The following PARP14 variants were observed in gnomAD, a reference collection of about 807,000 sequenced individuals.
PARP14 encodes poly(ADP-ribose) polymerase family member 14, also known as protein mono-ADP-ribosyltransferase PARP14.
A neutral mutation model predicts 154.2 loss-of-function variants in PARP14; 59 were observed. The ratio of observed to expected loss-of-function variants is 0.38; its 90% CI spans 0.31 to 0.48. The LOEUF is 0.48. PARP14 is among the 20% of genes least tolerant of loss of function. The pLI is 0.98. For missense variants in PARP14, 1,734 were observed against 2,131.6 expected, an observed-to-expected ratio of 0.81 and a Z score of 3.67; for synonymous variants, 720 against 780.5, an observed-to-expected ratio of 0.92 and a Z score of 1.29.
chr3:122,704,435 T>A (rs1271739297), intron 7 of PARP14, 92 bp from the exon 8 acceptor site: 1 of 735,046 alleles, frequency 1.4e-6, no homozygotes, highest in Non-Finnish European at 2.3e-6. Flanking sequence ...AAAAGGAGTA[T>A]TCAAGTTCAC....
At chr3:122,693,935 T>C (rs1025509997) in intron 4 of PARP14, among the ~76,000 whole-genome samples, 3 of 152,228 alleles carry the variant, frequency 2.0e-5, no homozygotes, top group African/African-American at 4.8e-5. Context: ...GGAGCTATTC[T>C]TATTTCAAAT....
chr3:122,685,353 A>T (rs375473812), intron 2 of PARP14, 35 bp downstream of exon 2: 376 of 1,593,730 alleles, frequency 2.4e-4, no homozygotes, highest in Non-Finnish European at 3.2e-4. Context: ...AAAGGGATTT[A>T]GGTCTCCCAA....
At chr3:122,686,801 T>C (rs897342844) in intron 2 of PARP14, 55 of 351,092 alleles carry the variant, frequency 1.6e-4, no homozygotes, top group Non-Finnish European at 2.3e-4. Flanking sequence ...AATTATGAGC[T>C]AAGATGTTTC....
In PARP14 at chr3:122,701,373, C is replaced by A; in HGVS notation, c.2819C>A (p.Ala940Asp). 1 of 1,614,010 alleles carries A rather than the reference C, an allele frequency of 6.2e-7. No individual in the cohort carries two copies. The highest frequency in any genetic ancestry group is 8.5e-7 in the Non-Finnish European group (1 of 1,179,874). ...CGATGCGTGGAGACCATTGTTTCTG[C>A]CATCAAGGAAAACTTCCAATTCAAG... is the stretch of plus-strand genomic sequence containing the variant. ...LGRCVETIVS[A>D]IKENFQFKKD... Residue 940 changes from alanine (A) to aspartate (D), a missense_variant, in exon 6 of 17, where the codon GCC becomes GAC. Ala to Asp is a moderately radical substitution (Grantham distance 126, BLOSUM62 -2). Transcript: ENST00000474629. The surrounding 1 kb of genome is among the most constrained non-coding windows in gnomAD (Gnocchi z 4.0).
intron 9 of PARP14, among the ~76,000 whole-genome samples, chr3:122,710,131 C>T (rs1466052215): frequency 6.6e-6 from 1 of 151,930 alleles, no homozygotes; most frequent in African/African-American, 2.4e-5. Flanking sequence ...GAATTCTTTG[C>T]CTAAGTCAAT....
Position 122,727,976 on chromosome 3 carries a change from C to A in PARP14, c.5106C>A (p.Ala1702=). ...VNRNGFNRSY[A]GKNAVAYGKG... ...GAAATGGCTTTAACCGCAGCTATGC[C>A]GGAAAGAATGGTAAGGAAGCGAGTA... is the stretch of plus-strand genomic sequence containing the variant. Residue 1702 remains alanine (A), a synonymous_variant, in exon 16 of 17, where the codon GCC becomes GCA. Transcript: ENST00000474629. 1.2e-6 allele frequency: 2 copies of A among 1,608,920 alleles called. No homozygotes were observed. Among genetic ancestry groups the A allele is most frequent in the Non-Finnish European group, 1.7e-6 (2 of 1,177,922 alleles).
intron 11 of PARP14, 36 bp downstream of exon 11, chr3:122,713,970 A>G (rs1932923551): frequency 6.9e-7 from 1 of 1,452,316 alleles, no homozygotes. Flanking sequence ...CTAAGTTGTA[A>G]TTGTATGGGA....
In PARP14 at chr3:122,714,324, A is replaced by G. The variant is rs1932930461; in HGVS notation, c.3895A>G (p.Ile1299Val). 7 of 1,598,338 alleles carry G rather than the reference A, an allele frequency of 4.4e-6. No individual in the cohort carries two copies. The highest frequency in any genetic ancestry group is 6.0e-6 in the Non-Finnish European group (7 of 1,175,264). The change falls in exon 12 of 17, where the codon ATT (isoleucine) becomes GTT (valine). Residue 1299 changes from isoleucine (I) to valine (V), a missense_variant. Ile to Val is a conservative substitution (Grantham distance 29). Transcript: ENST00000474629. ...TGGATTTTTGAGGTGCAAGAATATC[A>G]TTCATGTAATTGGTGGAAATGATGT... ...GGGFLRCKNI[I>V]HVIGGNDVKS...
At chr3:122,682,979 A>G (rs1442446472) in intron 1 of PARP14, among the ~76,000 whole-genome samples, 1 of 152,128 alleles carries the variant, frequency 6.6e-6, no homozygotes, top group African/African-American at 2.4e-5. Context: ...TGCTTGAACC[A>G]GGGAGGCAGA....
intron 15 of PARP14, among the ~76,000 whole-genome samples, chr3:122,727,246 C>T (rs1304078805): frequency 6.6e-6 from 1 of 152,194 alleles, no homozygotes; most frequent in Non-Finnish European, 1.5e-5. Flanking sequence ...TTTCCACCAC[C>T]GCCCTGGAGG....
chr3:122,721,050 T>G (rs1311033146), intron 15 of PARP14: 13 of 319,490 alleles, frequency 4.1e-5, no homozygotes, highest in Non-Finnish European at 6.1e-6. Context: ...TTATTATGAT[T>G]TTTTTTTCCT....
rs1933399818 is a variant in PARP14, at chr3:122,730,613, T to A, written c.*2016T>A. The A allele has an allele frequency of 6.6e-6, 1 of 152,634 alleles. No individual in the cohort carries two copies. Among genetic ancestry groups the A allele is most frequent in the Non-Finnish European group, 1.5e-5 (1 of 68,052 alleles). 9.5% of individuals were successfully genotyped at this position (152,634 alleles called of 1,614,324 possible). On this transcript the variant is annotated 3_prime_UTR_variant, in exon 17 of 17. Coordinates refer to ENST00000474629, the MANE Select transcript of PARP14 (RefSeq NM_017554.3). Reference sequence around the variant, plus strand: ...TGGCTTTCTAGGCAGGCCACTGGCATCTGAATTCATCATTGACAATAAATG... The same window carrying A: ...TGGCTTTCTAGGCAGGCCACTGGCAACTGAATTCATCATTGACAATAAATG...
chr3:122,727,394 TCTTA>T (rs1933313459), intron 15 of PARP14, among the ~76,000 whole-genome samples: 1 of 152,238 alleles, frequency 6.6e-6, no homozygotes, highest in African/African-American at 2.4e-5. Flanking sequence ...CTGTTGCTTC[TCTTA>T]CTGTTAGTAC....
Position 122,695,646 on chromosome 3 carries a change from A to T in PARP14, c.819A>T (p.Glu273Asp). 6.4e-7 allele frequency: 1 copy of T among 1,557,020 alleles called. No individual in the cohort carries two copies. The highest frequency in any genetic ancestry group is 8.8e-7 in the Non-Finnish European group (1 of 1,130,344). The change falls in exon 5 of 17, where the codon GAA becomes GAT. Residue 273 changes from glutamate to aspartate, a missense_variant. Transcript: ENST00000474629. ...CTGAAGAGAGTTCAGCTCTGATTGA[A>T]TTTTTTGACAGAAAAGGTAATATTT... is the stretch of plus-strand genomic sequence containing the variant. ...YFPEESSALI[E>D]FFDRKVLDTI...
At chr3:122,691,468 C>A (rs939862296) in intron 3 of PARP14, among the ~76,000 whole-genome samples, 1 of 152,196 alleles carries the variant, frequency 6.6e-6, no homozygotes, top group African/African-American at 2.4e-5. Context: ...CAGGCCTTGG[C>A]CATTTCACTT....
rs746765291 is a variant in PARP14, at chr3:122,700,988, G to T, written c.2434G>T (p.Ala812Ser). 2 of 1,614,002 alleles carry T rather than the reference G, an allele frequency of 1.2e-6. No homozygotes were observed. The highest frequency in any genetic ancestry group is 2.7e-5 in the African/African-American group (2 of 75,058). ...VVLIVQQGDL[A>S]RLPVDVVVNA... ...GCTGATTGTGCAGCAGGGTGACTTG[G>T]CACGGCTTCCTGTCGATGTGGTGGT... Residue 812 changes from alanine (A) to serine (S), a missense_variant, in exon 6 of 17, where the codon GCA becomes TCA. Transcript: ENST00000474629.
intron 9 of PARP14, among the ~76,000 whole-genome samples, chr3:122,711,165 C>T (rs1939309659): frequency 6.6e-6 from 1 of 152,112 alleles, no homozygotes; most frequent in African/African-American, 2.4e-5. Context: ...TGTCTTGTTC[C>T]AGTTCCCAGG....
intron 15 of PARP14, among the ~76,000 whole-genome samples, chr3:122,723,933 GTTC>G (rs1465842756): frequency 3.3e-5 from 5 of 151,974 alleles, no homozygotes; most frequent in African/African-American, 1.2e-4. Flanking sequence ...AAGAATAAAT[GTTC>G]TTTTTTCCTG....
At position 122,703,786 on chromosome 3, in the gene PARP14, T is replaced by A; in HGVS notation, c.3126T>A (p.Ser1042Arg). 1 of 1,613,860 alleles carries A rather than the reference T, an allele frequency of 6.2e-7. No individual in the cohort carries two copies. Among genetic ancestry groups the A allele is most frequent in the Non-Finnish European group, 8.5e-7 (1 of 1,179,744 alleles). ...VNSVPLDLVLSRGPLSKSLLE... is the reference protein window; with the variant it reads ...VNSVPLDLVLRRGPLSKSLLE... ...CCGTTCCCTTGGATCTCGTGCTTAG[T>A]AGAGGGCCTCTTTCTAAGTCCCTCT... Residue 1042 changes from serine (S) to arginine (R), a missense_variant, in exon 7 of 17, where the codon AGT becomes AGA. By Grantham distance (110) the Ser-to-Arg change is moderately radical (BLOSUM62 -1). Transcript: ENST00000474629.
Sources: allele counts gnomAD v4.1 joint callset (sites outside exome capture counted in the v4.1 genomes callset), GRCh38; gene constraint gnomAD v4.1.1; non-coding constraint Gnocchi (gnomAD v3.1); transcripts MANE v1.5; gene names NCBI Gene and HGNC (gene_info 2026-07-23, HGNC 2026-07-21).